ME3: variants seen among roughly 807,000 people sequenced by gnomAD.
ME3 encodes malic enzyme 3.
Under a neutral mutation model 68.9 loss-of-function variants are expected in ME3, and 48 were observed. That is an observed-to-expected ratio of 0.70 (90% confidence interval 0.55 to 0.89). The LOEUF (loss-of-function observed/expected upper bound fraction) is 0.89, where lower values mean the gene tolerates loss of function less well. Among genes scored for constraint, ME3 ranks in the 40% least tolerant of loss-of-function variants. ME3 has a pLI of 0.00. For missense variants in ME3, 675 were observed against 797.4 expected, an observed-to-expected ratio of 0.85 and a Z score of 1.85; for synonymous variants, 320 against 318.8, an observed-to-expected ratio of 1.00 and a Z score of -0.04.
intron 9 of ME3, 23 bp from the exon 10 acceptor site, chr11:86,450,025 T>A: frequency 1.3e-6 from 2 of 1,551,920 alleles, no homozygotes; most frequent in Non-Finnish European, 1.8e-6. Context: ...ATAGGGTAGA[T>A]GTTCAGACAC....
At chr11:86,447,319 C>A in intron 11 of ME3, 112 bp from the exon 12 acceptor site, 1 of 1,401,346 alleles carries the variant, frequency 7.1e-7, no homozygotes. Flanking sequence ...CGGTCTTGGG[C>A]CCAGCATCTG....
At chr11:86,662,752 A>G (rs769045702) in intron 2 of ME3, among the ~76,000 whole-genome samples, 1 of 152,258 alleles carries the variant, frequency 6.6e-6, no homozygotes, top group African/African-American at 2.4e-5. Context: ...ATTAGCTGTT[A>G]TTACTTGACT....
rs969036257 is a variant in ME3 at position 86,457,869 on chromosome 11, A to C, written c.919+7222T>G. On this transcript the variant is annotated intron_variant, in intron 8 of 14. Transcript: ENST00000543262. ...TTGTAGCTTCAGGAAATAGCACAAA[A>C]GGACATGCTGAAAATGTAGTTTCTG... 3.6e-6 allele frequency: 4 copies of C among 1,104,164 alleles called. No homozygotes were observed. The Admixed American group carries it at 1.3e-4, about 36-fold the overall frequency. 68.4% of individuals were successfully genotyped at this position (1,104,164 alleles called of 1,614,324 possible). A position where few individuals can be genotyped will look rare whatever the true frequency, so the allele number is the denominator to read the frequency against.
chr11:86,601,995 T>A (rs1308900238), intron 2 of ME3, among the ~76,000 whole-genome samples: 1 of 145,506 alleles, frequency 6.9e-6, no homozygotes, highest in Non-Finnish European at 1.5e-5. Flanking sequence ...ACAGCCAATA[T>A]CATACTGAAT....
intron 2 of ME3, among the ~76,000 whole-genome samples, chr11:86,587,658 C>G (rs11234705): frequency 0.45 from 67,795 of 151,980 alleles, 16,839 homozygotes; most frequent in Non-Finnish European, 0.55. Context: ...AAAAGAAAGA[C>G]AGTAGAAAAA....
chr11:86,638,598 T>C (rs555623118), intron 2 of ME3, among the ~76,000 whole-genome samples: 1 of 152,318 alleles, frequency 6.6e-6, no homozygotes, highest in Admixed American at 6.5e-5. Context: ...TAATATGATA[T>C]CATTGCTAGT....
intron 4 of ME3, among the ~76,000 whole-genome samples, chr11:86,540,069 T>C (rs1477257928): frequency 6.6e-6 from 1 of 152,170 alleles, no homozygotes; most frequent in African/African-American, 2.4e-5. Flanking sequence ...TTTTCTGAGC[T>C]AGGGAATCTG....
At chr11:86,522,525 C>T (rs184902400) in intron 4 of ME3, among the ~76,000 whole-genome samples, 18 of 152,022 alleles carry the variant, frequency 1.2e-4, no homozygotes, top group Non-Finnish European at 2.5e-4. Flanking sequence ...TCCCTTACCC[C>T]GCCCCCTCCT....
chr11:86,642,625 C>T (rs979683753), intron 2 of ME3, among the ~76,000 whole-genome samples: 1 of 152,094 alleles, frequency 6.6e-6, no homozygotes, highest in Non-Finnish European at 1.5e-5. Context: ...ATCCCTTAAC[C>T]CTGGGAGGTG....
intron 6 of ME3, among the ~76,000 whole-genome samples, chr11:86,490,220 G>C (rs1304859411): frequency 6.6e-6 from 1 of 152,196 alleles, no homozygotes; most frequent in Non-Finnish European, 1.5e-5. Context: ...GTACACGTAA[G>C]ATCTGAGCTG....
At chr11:86,649,921 T>C (rs968631277) in intron 2 of ME3, among the ~76,000 whole-genome samples, 3 of 152,204 alleles carry the variant, frequency 2.0e-5, no homozygotes, top group African/African-American at 7.2e-5. Flanking sequence ...CCCATCAAGC[T>C]ACCATTGACT....
intron 4 of ME3, among the ~76,000 whole-genome samples, chr11:86,524,671 A>T (rs1954593188): frequency 6.6e-6 from 1 of 152,216 alleles, no homozygotes; most frequent in Non-Finnish European, 1.5e-5. Context: ...CTATCATTGC[A>T]TATTAGTTAT....
In ME3 at chr11:86,651,110, G is replaced by A. The variant is rs1409761792; in HGVS notation, c.183+20652C>T. ...AAAGCAGCTGGGAAGCTCAAACTGG[G>A]TGGAGACCACCACAGCTCAAGGAGG... On this transcript the variant is annotated intron_variant, in intron 2 of 14. Transcript: ENST00000543262. Among the ~76,000 whole-genome samples the A allele has an allele frequency of 2.0e-5, 3 of 152,244 alleles. No individual in the cohort carries two copies. The East Asian group carries it at 5.8e-4, about 29-fold the overall frequency.
At chr11:86,556,639 C>T (rs767847103) in exon 4 of ME3, 3 of 1,614,082 alleles carry the variant, frequency 1.9e-6, no homozygotes, top group Non-Finnish European at 2.5e-6. Context: ...TCTCCACGTC[C>T]GAAGTCAGCA....
intron 4 of ME3, among the ~76,000 whole-genome samples, chr11:86,549,572 G>A (rs143693494): frequency 2.0e-5 from 3 of 152,230 alleles, no homozygotes; most frequent in East Asian, 1.9e-4. Flanking sequence ...TCTTGAGCCC[G>A]GCCACACGGG....
intron 4 of ME3, among the ~76,000 whole-genome samples, chr11:86,522,531 C>A (rs984562624): frequency 6.6e-6 from 1 of 151,942 alleles, no homozygotes; most frequent in Non-Finnish European, 1.5e-5. Flanking sequence ...ACCCCGCCCC[C>A]TCCTTGACCC....
intron 6 of ME3, among the ~76,000 whole-genome samples, chr11:86,497,265 G>A (rs1012922080): frequency 2.6e-5 from 4 of 152,198 alleles, no homozygotes; most frequent in East Asian, 1.9e-4. Context: ...GAACACAGGC[G>A]TGAGTGACTG....
intron 5 of ME3, among the ~76,000 whole-genome samples, chr11:86,507,481 C>T (rs974018974): frequency 8.1e-6 from 1 of 122,908 alleles, no homozygotes; most frequent in African/African-American, 2.9e-5. Context: ...GCACCAACCC[C>T]TCCCCAGCTC....
At chr11:86,610,401 T>C (rs1050917359) in intron 2 of ME3, among the ~76,000 whole-genome samples, 1 of 152,152 alleles carries the variant, frequency 6.6e-6, no homozygotes, top group Non-Finnish European at 1.5e-5. Flanking sequence ...ACTCCTGATA[T>C]TTCATGGAGA....
Sources: gnomAD v4.1 joint callset for allele counts (sites outside exome capture counted in the v4.1 genomes callset) on GRCh38, gnomAD v4.1.1 for gene constraint, MANE v1.5 for transcripts, NCBI Gene and HGNC (gene_info 2026-07-23, HGNC 2026-07-21) for gene names.